The following NOS1 variants were observed in gnomAD, a reference collection of about 807,000 sequenced individuals.
NOS1 encodes NOS type I.
Under a neutral mutation model 164.5 loss-of-function variants are expected in NOS1, and 51 were observed. The ratio of observed to expected loss-of-function variants is 0.31; its 90% CI spans 0.25 to 0.39. The LOEUF is 0.39. NOS1 is among the 10% of genes least tolerant of loss of function. NOS1 has a pLI of 1.00. For synonymous variants in NOS1, 719 were observed against 745.8 expected (o/e 0.96, Z 0.59); for missense variants, 1,362 against 1,885.6 (o/e 0.72, Z 5.14).
chr12:117,223,995 A>C (rs559852168), intron 25 of NOS1, among the ~76,000 whole-genome samples: 74 of 152,268 alleles, frequency 4.9e-4, no homozygotes, highest in African/African-American at 1.8e-3. Flanking sequence ...CCCTATTTGC[A>C]AAATGGAAGT....
rs3741476 is a variant in NOS1, at chr12:117,234,330, T to C, written c.3235+235A>G. Among the ~76,000 whole-genome samples the C allele has an allele frequency of 0.43, 65,647 of 152,118 alleles. 16,041 individuals carry two copies. Among genetic ancestry groups the C allele is most frequent in the African/African-American group, 0.64 (26,623 of 41,516 alleles). On this transcript the variant is annotated intron_variant, in intron 21 of 28. Coordinates refer to ENST00000317775, the MANE Select transcript of NOS1 (RefSeq NM_000620.5). This position sits in a 1 kb window ranked among gnomAD's most constrained non-coding sequence, Gnocchi z 4.3. Reference sequence around the variant, plus strand: ...AATGAAGGAAGGTAGCAGCCCCCTTTTTTCAATGGTGAGCCATCAATGGCC... The same window carrying C: ...AATGAAGGAAGGTAGCAGCCCCCTTCTTTCAATGGTGAGCCATCAATGGCC...
At chr12:117,223,422 T>C (rs544726186) in intron 25 of NOS1, among the ~76,000 whole-genome samples, 1 of 151,528 alleles carries the variant, frequency 6.6e-6, no homozygotes, top group Admixed American at 6.6e-5. Context: ...CAACCGCGCC[T>C]GGCTAATTTT....
chr12:117,275,016 TAAAG>T (rs1873068791), intron 9 of NOS1, among the ~76,000 whole-genome samples: 1 of 152,126 alleles, frequency 6.6e-6, no homozygotes, highest in South Asian at 2.1e-4. Context: ...CAAAATAACT[TAAAG>T]AGTGTAATTT....
In NOS1 at chr12:117,219,566, C is replaced by G. The variant is rs562326208; in HGVS notation, c.4170+509G>C. Among the ~76,000 whole-genome samples, 17 of 152,284 alleles carry G rather than the reference C, an allele frequency of 1.1e-4. 1 individual carries two copies. In the South Asian group the frequency reaches 3.3e-3, roughly 30 times the overall value. ...AGGTGATCCTCCCACCTTGGCCTCT[C>G]AAAGTGCTGGAATTATAGGCGTGAG... On this transcript the variant is annotated intron_variant, in intron 27 of 28. Transcript: ENST00000317775.
chr12:117,359,879 TATA>T (rs1877043258), intron 1 of NOS1, among the ~76,000 whole-genome samples: 3 of 24,070 alleles, frequency 1.2e-4, no homozygotes, highest in African/African-American at 2.0e-4. Context: ...AATGGTTTTA[TATA>T]TATATATATA....
chr12:117,336,081 T>C (rs1322101820), intron 1 of NOS1, among the ~76,000 whole-genome samples: 1 of 152,080 alleles, frequency 6.6e-6, no homozygotes, highest in African/African-American at 2.4e-5. Flanking sequence ...ATCAAGGAGG[T>C]AGACCTGGGT....
intron 20 of NOS1, among the ~76,000 whole-genome samples, chr12:117,240,885 G>C (rs1007225372): frequency 6.6e-6 from 1 of 151,700 alleles, no homozygotes; most frequent in Non-Finnish European, 1.5e-5. Context: ...ATCTCAAATT[G>C]ATCAAACCGG....
chr12:117,283,619 G>A (rs1873863014), intron 7 of NOS1, among the ~76,000 whole-genome samples: 1 of 152,096 alleles, frequency 6.6e-6, no homozygotes, highest in Admixed American at 6.6e-5. Context: ...CACTTTGGGA[G>A]GCCGAGGCAG....
At position 117,218,040 on chromosome 12, in the gene NOS1, G is replaced by A. The variant is rs1267661338; in HGVS notation, c.4289+6C>T. The A allele has an allele frequency of 6.3e-7, 1 of 1,598,828 alleles. No homozygotes were observed. The highest frequency in any genetic ancestry group is 1.1e-5 in the South Asian group (1 of 90,754). ...TGCCCCTCACCCAGGGATGGAGCCA[G>A]CTTACTCATCGGTGTCTTTTTTGCT... On this transcript the variant is annotated splice_donor_region_variant and intron_variant, in intron 28 of 28. Coordinates refer to ENST00000317775, the MANE Select transcript of NOS1 (RefSeq NM_000620.5).
Position 117,293,214 on chromosome 12 carries a change from G to A in NOS1, c.853-2788C>T, listed in dbSNP as rs760267040. Among the ~76,000 whole-genome samples, 228 of 152,146 alleles carry A rather than the reference G, an allele frequency of 1.5e-3. 1 individual carries two copies. The highest frequency in any genetic ancestry group is 2.5e-3 in the Non-Finnish European group (168 of 67,994). On this transcript the variant is annotated intron_variant, in intron 3 of 28. Coordinates refer to ENST00000317775, the MANE Select transcript of NOS1 (RefSeq NM_000620.5). Reference sequence around the variant, plus strand: ...GCGTGCCACTGTTAAAGACTGCTCCGGAAGAGTGCAGGCTGTGGCAGCACA... The same window carrying A: ...GCGTGCCACTGTTAAAGACTGCTCCAGAAGAGTGCAGGCTGTGGCAGCACA...
chr12:117,256,011 G>C, intron 16 of NOS1: 1 of 1,464,674 alleles, frequency 6.8e-7, no homozygotes, highest in South Asian at 1.5e-5. Context: ...CCCTTTACGG[G>C]GAAAGAAACG....
intron 22 of NOS1, among the ~76,000 whole-genome samples, chr12:117,227,845 A>G (rs1051382960): frequency 6.6e-6 from 1 of 152,132 alleles, no homozygotes; most frequent in Admixed American, 6.6e-5. Flanking sequence ...TGGGAAACAT[A>G]GTAAGACCCT....
intron 1 of NOS1, among the ~76,000 whole-genome samples, chr12:117,355,326 T>C (rs1876808414): frequency 6.6e-6 from 1 of 152,178 alleles, no homozygotes; most frequent in South Asian, 2.1e-4. Context: ...ACCTTTCTCT[T>C]AGGAAATGTC....
chr12:117,330,328 A>ACACACACC lies in NOS1; in HGVS notation c.725+16_725+17insGGTGTGTG, dbSNP rs369055988. On this transcript the variant is annotated intron_variant, in intron 2 of 28. Coordinates refer to ENST00000317775, the MANE Select transcript of NOS1 (RefSeq NM_000620.5). This position sits in a 1 kb window ranked among gnomAD's most constrained non-coding sequence, Gnocchi z 4.6. ...CACACACACACACACACACACACACACCCCTGTGGAGCTTACCTGTCCACC... is the reference window on the plus strand; with the variant it reads ...CACACACACACACACACACACACACACACACACCCCCCTGTGGAGCTTACCTGTCCACC... 1,577 of 1,592,272 alleles carry ACACACACC rather than the reference A, an allele frequency of 9.9e-4. 3 individuals carry two copies. The South Asian group carries it at 0.01, about 10-fold the overall frequency.
chr12:117,217,613 G>A (rs9658546), intron 28 of NOS1, among the ~76,000 whole-genome samples: 16,452 of 151,920 alleles, frequency 0.11, 1,265 homozygotes, highest in Admixed American at 0.28. Flanking sequence ...GCTGAGGCAC[G>A]AGAATTGCTT....
intron 3 of NOS1, among the ~76,000 whole-genome samples, chr12:117,306,356 T>C (rs1874145706): frequency 6.6e-6 from 1 of 152,178 alleles, no homozygotes; most frequent in African/African-American, 2.4e-5. Flanking sequence ...CCATATATCT[T>C]CCTGTCCTTT....
chr12:117,305,112 T>C (rs1279841764), intron 3 of NOS1: 91 of 975,292 alleles, frequency 9.3e-5, no homozygotes, highest in Non-Finnish European at 1.1e-4. Flanking sequence ...TTAACAATGC[T>C]AGGCCCCCTG....
intron 10 of NOS1, among the ~76,000 whole-genome samples, chr12:117,271,965 C>T (rs567427962): frequency 1.7e-4 from 26 of 152,264 alleles, no homozygotes; most frequent in African/African-American, 6.3e-4. Context: ...GCTCTTCTAA[C>T]AAGATTTAAG....
Position 117,226,748 on chromosome 12 carries a change from G to A in NOS1, c.3639C>T (p.His1213=), listed in dbSNP as rs544559457. The change falls in exon 24 of 29, where the codon CAC becomes CAT. Residue 1213 remains histidine (H), a synonymous_variant. Coordinates refer to ENST00000317775, the MANE Select transcript of NOS1 (RefSeq NM_000620.5). The stretch of plus-strand genomic sequence containing the variant: ...GGTTGAGCCAGGAGGAGCATACGCC[G>A]TGGTGAATTGGTCCTTCTCCATCTA... The part of the protein sequence containing the change: ...RTRDGEGPIH[H]GVCSSWLNRI... 40 of 1,613,970 alleles carry A rather than the reference G, an allele frequency of 2.5e-5. No homozygotes were observed. Among genetic ancestry groups the A allele is most frequent in the South Asian group, 1.4e-4 (13 of 91,066 alleles).
Sources: gnomAD v4.1 joint callset for allele counts (sites outside exome capture counted in the v4.1 genomes callset) on GRCh38, gnomAD v4.1.1 for gene constraint, Gnocchi (gnomAD v3.1) non-coding constraint, MANE v1.5 for transcripts, NCBI Gene and HGNC (gene_info 2026-07-23, HGNC 2026-07-21) for gene names.